Variants in LRRC8A observed in about 807,000 individuals in gnomAD.
LRRC8A encodes the protein leucine rich repeat containing 8 VRAC subunit A.
In LRRC8A, 24 loss-of-function variants were observed where a neutral mutation model predicts 52.5. The ratio of observed to expected loss-of-function variants is 0.46; its 90% CI spans 0.33 to 0.64. LRRC8A has a LOEUF of 0.64. Ranked by LOEUF, LRRC8A falls within the 30% of genes least tolerant of loss-of-function variation. The probability of loss-of-function intolerance (pLI) is 0.02; values close to 1 mark genes in which losing one functional copy is unlikely to be tolerated. For synonymous variants in LRRC8A, 492 were observed against 494.2 expected, an observed-to-expected ratio of 1.00 and a Z score of 0.06; for missense variants, 677 against 1,094.7, an observed-to-expected ratio of 0.62 and a Z score of 5.38.
At position 128,908,652 on chromosome 9, in the gene LRRC8A, G is replaced by A. The variant is rs749998984; in HGVS notation, c.1488G>A (p.Arg496=). 7 of 1,612,780 alleles carry A rather than the reference G, an allele frequency of 4.3e-6. No individual in the cohort carries two copies. Among genetic ancestry groups the A allele is most frequent in the Non-Finnish European group, 5.9e-6 (7 of 1,179,924 alleles). Reference sequence around the variant, plus strand: ...TGGCCTTCCTGCGTGAGAACCTGCGGGCGCTGCACATCAAGTTCACCGACA... The same window carrying A: ...TGGCCTTCCTGCGTGAGAACCTGCGAGCGCTGCACATCAAGTTCACCGACA... The part of the protein sequence containing the change: ...PALAFLRENL[R]ALHIKFTDIK... Residue 496 remains arginine (R), a synonymous_variant, in exon 3 of 4, where the codon CGG becomes CGA. Coordinates refer to ENST00000372600, the MANE Select transcript of LRRC8A (RefSeq NM_019594.4).
intron 1 of LRRC8A, among the ~76,000 whole-genome samples, chr9:128,884,597 A>C (rs1839315897): frequency 6.6e-6 from 1 of 152,186 alleles, no homozygotes; most frequent in African/African-American, 2.4e-5. Context: ...AGAAGGAATT[A>C]GCTCTGGGTG....
intron 2 of LRRC8A, among the ~76,000 whole-genome samples, chr9:128,898,185 G>A (rs562831206): frequency 3.6e-4 from 54 of 151,928 alleles, no homozygotes; most frequent in Non-Finnish European, 1.5e-4. Flanking sequence ...TTTTGGGATT[G>A]CATAGTATTC....
intron 2 of LRRC8A, among the ~76,000 whole-genome samples, chr9:128,898,401 C>T (rs553315085): frequency 1.2e-4 from 18 of 152,292 alleles, no homozygotes; most frequent in Non-Finnish European, 1.9e-4. Context: ...CCACCTACTG[C>T]GTGCCAGGCC....
intron 2 of LRRC8A, among the ~76,000 whole-genome samples, chr9:128,895,926 C>T (rs1215591557): frequency 6.6e-6 from 1 of 152,222 alleles, no homozygotes; most frequent in East Asian, 1.9e-4. Context: ...ACAGATACAT[C>T]CATATCAAGA....
At chr9:128,894,655 T>C (rs1839753436) in intron 2 of LRRC8A, among the ~76,000 whole-genome samples, 1 of 150,604 alleles carries the variant, frequency 6.6e-6, no homozygotes, top group African/African-American at 2.4e-5. Flanking sequence ...TAGCCAGGAG[T>C]GGTGGCACAC....
In LRRC8A at chr9:128,908,550, G is replaced by A. The variant is rs754215449; in HGVS notation, c.1386G>A (p.Pro462=). 5.3e-5 allele frequency: 85 copies of A among 1,612,512 alleles called. 1 individual carries two copies. Among genetic ancestry groups the A allele is most frequent in the South Asian group, 7.7e-5 (7 of 91,058 alleles). The part of the protein sequence containing the change: ...KLELIPDVTI[P]PSIAQLTGLK... ...AGCTGATCCCCGACGTGACCATCCCGCCCAGCATTGCCCAGCTCACGGGCC... is the reference window on the plus strand; with the variant it reads ...AGCTGATCCCCGACGTGACCATCCCACCCAGCATTGCCCAGCTCACGGGCC... Residue 462 remains proline (P), a synonymous_variant, in exon 3 of 4, where the codon CCG becomes CCA. Transcript: ENST00000372600.
Position 128,916,523 on chromosome 9 carries a change from G to A in LRRC8A, c.*152G>A. 6.3e-6 allele frequency: 6 copies of A among 952,054 alleles called. No individual in the cohort carries two copies. Among genetic ancestry groups the A allele is most frequent in the East Asian group, 2.7e-5 (1 of 37,710 alleles). The allele number at this position is 952,054 out of a possible 1,614,324, so 59.0% of individuals were successfully genotyped here. On this transcript the variant is annotated 3_prime_UTR_variant, in exon 4 of 4. Coordinates refer to ENST00000372600, the MANE Select transcript of LRRC8A (RefSeq NM_019594.4). This position sits in a 1 kb window ranked among gnomAD's most constrained non-coding sequence, Gnocchi z 6.1. ...GGCCGCTTGTGAGTCAGGCCAGAGC[G>A]AGAGGACAGTATCTGTGGGGCTGGC...
At chr9:128,887,671 A>G (rs1839447836) in intron 2 of LRRC8A, among the ~76,000 whole-genome samples, 1 of 148,940 alleles carries the variant, frequency 6.7e-6, no homozygotes, top group Non-Finnish European at 1.5e-5. Context: ...TTTGAGATGG[A>G]GTCTTTGTCA....
chr9:128,900,564 C>T (rs931627988), intron 2 of LRRC8A, among the ~76,000 whole-genome samples: 6 of 151,644 alleles, frequency 4.0e-5, no homozygotes, highest in African/African-American at 7.3e-5. Context: ...AAATATTAGC[C>T]GGGCATGGTG....
chr9:128,902,562 G>A lies in LRRC8A; in HGVS notation c.-8-4595G>A, dbSNP rs568098956. On this transcript the variant is annotated intron_variant, in intron 2 of 3. Transcript: ENST00000372600. This position sits in a 1 kb window ranked among gnomAD's most constrained non-coding sequence, Gnocchi z 4.1. ...CCACATCCTGCCCGCTCAAACAGCC[G>A]CGCCCGCCCTGGCTGTCTCATTCCA... 3.9e-5 allele frequency among the ~76,000 whole-genome samples: 6 copies of A among 152,308 alleles called. No individual in the cohort carries two copies. Among genetic ancestry groups the A allele is most frequent in the South Asian group, 4.1e-4 (2 of 4,830 alleles).
At chr9:128,901,334 C>T (rs1008400315) in intron 2 of LRRC8A, among the ~76,000 whole-genome samples, 2 of 151,960 alleles carry the variant, frequency 1.3e-5, no homozygotes, top group Non-Finnish European at 2.9e-5. Flanking sequence ...GTGGTGGTGG[C>T]GCGCCTGTAG....
intron 3 of LRRC8A, among the ~76,000 whole-genome samples, chr9:128,914,256 C>T (rs1231275645): frequency 6.7e-6 from 1 of 148,386 alleles, no homozygotes; most frequent in African/African-American, 2.5e-5. Flanking sequence ...CTTGGCCATG[C>T]TTATCTCCCT....
rs1840851374 is a variant in LRRC8A, at chr9:128,917,035, T to G, written c.*664T>G. 6.8e-6 allele frequency: 1 copy of G among 146,516 alleles called. No homozygotes were observed. Among genetic ancestry groups the G allele is most frequent in the Non-Finnish European group, 1.5e-5 (1 of 67,202 alleles). The allele number at this position is 146,516 out of a possible 1,614,324, so 9.1% of individuals were successfully genotyped here. On this transcript the variant is annotated 3_prime_UTR_variant, in exon 4 of 4. Coordinates refer to ENST00000372600, the MANE Select transcript of LRRC8A (RefSeq NM_019594.4). ...TGTGGCAGTTTTAGTTTTTTGTTTT[T>G]TTTTTTTTAATCAAAAAACAATTTT...
Position 128,907,616 on chromosome 9 carries a change from C to G in LRRC8A, c.452C>G (p.Ser151Trp). 6.2e-7 allele frequency: 1 copy of G among 1,614,142 alleles called. No individual in the cohort carries two copies. Among genetic ancestry groups the G allele is most frequent in the Non-Finnish European group, 8.5e-7 (1 of 1,180,034 alleles). The change falls in exon 3 of 4, where the codon TCG (serine) becomes TGG (tryptophan). Residue 151 changes from serine to tryptophan, a missense_variant. Ser to Trp is a radical substitution (Grantham distance 177). Coordinates refer to ENST00000372600, the MANE Select transcript of LRRC8A (RefSeq NM_019594.4). This position sits in a 1 kb window ranked among gnomAD's most constrained non-coding sequence, Gnocchi z 9.3. ...TGGTTCAAATTCCCGCGCACCAGCT[C>G]GAAGCTGGAGCACTTTGTGTCTATC... ...NFWFKFPRTS[S>W]KLEHFVSILL...
intron 2 of LRRC8A, among the ~76,000 whole-genome samples, chr9:128,897,271 C>T (rs1001195662): frequency 6.6e-6 from 1 of 151,970 alleles, no homozygotes; most frequent in African/African-American, 2.4e-5. Context: ...GTTGCTCAGA[C>T]TGGAGATCTT....
At position 128,916,184 on chromosome 9, in the gene LRRC8A, G is replaced by T. The variant is rs1346259653; in HGVS notation, c.2246G>T (p.Arg749Met). Reference sequence around the variant, plus strand: ...AACGTGCTGCAGTCACTGCCCTCCAGGGTGGGCGAGCTGACCAACCTGACG... The same window carrying T: ...AACGTGCTGCAGTCACTGCCCTCCATGGTGGGCGAGCTGACCAACCTGACG... Reference protein sequence around the residue: ...GNNVLQSLPSRVGELTNLTQI... With the variant: ...GNNVLQSLPSMVGELTNLTQI... Residue 749 changes from arginine to methionine, a missense_variant, in exon 4 of 4, where the codon AGG becomes ATG. Arg to Met is a moderately conservative substitution (Grantham distance 91, BLOSUM62 -1). Transcript: ENST00000372600. The surrounding 1 kb of genome is among the most constrained non-coding windows in gnomAD (Gnocchi z 6.1). 8 of 1,613,384 alleles carry T rather than the reference G, an allele frequency of 5.0e-6. No individual in the cohort carries two copies. The highest frequency in any genetic ancestry group is 6.8e-6 in the Non-Finnish European group (8 of 1,180,012).
At position 128,892,784 on chromosome 9, in the gene LRRC8A, G is replaced by A. The variant is rs1051701003; in HGVS notation, c.-9+6663G>A. On this transcript the variant is annotated intron_variant, in intron 2 of 3. Transcript: ENST00000372600. This position sits in a 1 kb window ranked among gnomAD's most constrained non-coding sequence, Gnocchi z 5.2. ...TCCCGGGACAGGGCCTGTTGAGAGCGGCCCCTTCGCGCTCCCTGGGAGAGC... is the reference window on the plus strand; with the variant it reads ...TCCCGGGACAGGGCCTGTTGAGAGCAGCCCCTTCGCGCTCCCTGGGAGAGC... Among the ~76,000 whole-genome samples the A allele has an allele frequency of 2.6e-5, 4 of 152,174 alleles. No individual in the cohort carries two copies. Among genetic ancestry groups the A allele is most frequent in the Admixed American group, 1.3e-4 (2 of 15,286 alleles).
chr9:128,901,184 A>G (rs1286789331), intron 2 of LRRC8A, among the ~76,000 whole-genome samples: 1 of 148,064 alleles, frequency 6.8e-6, no homozygotes. Context: ...AAAAAAACAG[A>G]CCGGGCACAG....
At chr9:128,905,034 A>C (rs1381916086) in intron 2 of LRRC8A, among the ~76,000 whole-genome samples, 1 of 149,948 alleles carries the variant, frequency 6.7e-6, no homozygotes, top group Non-Finnish European at 1.5e-5. Context: ...TTAGCCAGGC[A>C]TGGTGGCACA....
Sources: allele counts gnomAD v4.1 joint callset (sites outside exome capture counted in the v4.1 genomes callset), GRCh38; gene constraint gnomAD v4.1.1; non-coding constraint Gnocchi (gnomAD v3.1); transcripts MANE v1.5; gene names NCBI Gene and HGNC (gene_info 2026-07-23, HGNC 2026-07-21).